The following UNC13B variants were observed in gnomAD, a reference collection of about 807,000 sequenced individuals.
UNC13B encodes protein unc-13 homolog B.
A neutral mutation model predicts 211.0 loss-of-function variants in UNC13B; 144 were observed. The observed-to-expected ratio is 0.68, with a 90% confidence interval of 0.60 to 0.78. The LOEUF is 0.78. Ranked by LOEUF, UNC13B falls within the 30% of genes least tolerant of loss-of-function variation. The probability of loss-of-function intolerance (pLI) is 0.00; values close to 1 mark genes in which losing one functional copy is unlikely to be tolerated. For missense variants in UNC13B, 1,777 were observed against 2,002.0 expected (o/e 0.89, Z 2.14); for synonymous variants, 709 against 725.8 (o/e 0.98, Z 0.37).
At chr9:35,344,665 A>G (rs893513307) in intron 11 of UNC13B, among the ~76,000 whole-genome samples, 2 of 152,174 alleles carry the variant, frequency 1.3e-5, no homozygotes, top group Non-Finnish European at 2.9e-5. Context: ...AATGACAACA[A>G]GGGTCTCATT....
chr9:35,217,227 A>AT (rs1824297214), intron 1 of UNC13B, among the ~76,000 whole-genome samples: 1 of 152,194 alleles, frequency 6.6e-6, no homozygotes, highest in Non-Finnish European at 1.5e-5. Context: ...TGAAGGGTAC[A>AT]TAGGACCTCT....
At chr9:35,299,961 G>C (rs984349129) in intron 8 of UNC13B, among the ~76,000 whole-genome samples, 1 of 151,954 alleles carries the variant, frequency 6.6e-6, no homozygotes, top group Non-Finnish European at 1.5e-5. Flanking sequence ...GAGATAGAGG[G>C]GAAAATATCA....
Position 35,304,127 on chromosome 9 carries a change from A to G in UNC13B, c.4723A>G (p.Ser1575Gly), listed in dbSNP as rs1003210138. Residue 1575 changes from serine to glycine, a missense_variant, in exon 9 of 40, where the codon AGT becomes GGT. Physicochemically the swap from Ser to Gly is moderately conservative, Grantham distance 56 (BLOSUM62 0). Transcript: ENST00000635942. Reference sequence around the variant, plus strand: ...TGATTTACAGACAAATGGTCTATCAAGTATTACGTTGGATGACAGCATTAT... The same window carrying G: ...TGATTTACAGACAAATGGTCTATCAGGTATTACGTTGGATGACAGCATTAT... ...DCDLQTNGLS[S>G]ITLDDSIISA... The G allele has an allele frequency of 1.0e-5, 4 of 398,868 alleles. No homozygotes were observed. Among genetic ancestry groups the G allele is most frequent in the Non-Finnish European group, 1.8e-5 (4 of 225,902 alleles). The allele number at this position is 398,868 out of a possible 1,614,324, so 24.7% of individuals were successfully genotyped here.
At chr9:35,338,493 C>T (rs776292312) in intron 11 of UNC13B, among the ~76,000 whole-genome samples, 3 of 152,104 alleles carry the variant, frequency 2.0e-5, no homozygotes, top group Non-Finnish European at 4.4e-5. Context: ...TCCTGCTGCC[C>T]GTCATTCTCT....
chr9:35,207,423 TG>T (rs1823719279), intron 1 of UNC13B, among the ~76,000 whole-genome samples: 1 of 151,900 alleles, frequency 6.6e-6, no homozygotes, highest in African/African-American at 2.4e-5. Flanking sequence ...CCACCACGCT[TG>T]GCTAATTAAA....
chr9:35,395,863 T>C (rs1251126153), intron 26 of UNC13B, among the ~76,000 whole-genome samples: 2 of 152,216 alleles, frequency 1.3e-5, no homozygotes. Flanking sequence ...CTATTCATAT[T>C]TGCATACTTC....
In UNC13B at chr9:35,367,025, T is replaced by G. The variant is rs750882919; in HGVS notation, c.9461+32T>G. ...AATTCACTGCAAGGTTTCTGTGGAT[T>G]TTATTCAGTATCTCTTGATGCTTTT... On this transcript the variant is annotated intron_variant, in intron 12 of 39. Coordinates refer to ENST00000635942, the MANE Select transcript of UNC13B (RefSeq NM_001371189.2). The G allele has an allele frequency of 1.4e-5, 23 of 1,598,052 alleles. No homozygotes were observed. The South Asian group carries it at 2.5e-4, about 18-fold the overall frequency.
intron 11 of UNC13B, chr9:35,352,218 G>A: frequency 1.6e-6 from 2 of 1,232,180 alleles, no homozygotes; most frequent in Non-Finnish European, 2.0e-6. Flanking sequence ...GAACAAGATG[G>A]AGAAAATACT....
chr9:35,380,575 C>G lies in UNC13B; in HGVS notation c.10311C>G (p.Phe3437Leu). Residue 3437 changes from phenylalanine (F) to leucine (L), a missense_variant, in exon 18 of 40, where the codon TTC becomes TTG. Phe to Leu is a conservative substitution (Grantham distance 22, BLOSUM62 0). Transcript: ENST00000635942. ...KQRLKRESDD[F>L]LGQTIIEVRT... is the part of the protein sequence containing the mutation. Reference sequence around the variant, plus strand: ...GCCTAAAGCGAGAGTCTGATGATTTCCTTGGCCAAACCATCATTGAGGTTC... The same window carrying G: ...GCCTAAAGCGAGAGTCTGATGATTTGCTTGGCCAAACCATCATTGAGGTTC... 1 of 1,614,214 alleles carries G rather than the reference C, an allele frequency of 6.2e-7. No homozygotes were observed. Among genetic ancestry groups the G allele is most frequent in the Non-Finnish European group, 8.5e-7 (1 of 1,180,034 alleles).
Position 35,403,299 on chromosome 9 carries a change from G to A in UNC13B, c.12577+40G>A, listed in dbSNP as rs753846461. On this transcript the variant is annotated intron_variant, in intron 38 of 39. Coordinates refer to ENST00000635942, the MANE Select transcript of UNC13B (RefSeq NM_001371189.2). ...TACAGGTCTGCCCTTTCCTTGCCCA[G>A]TGGCCTCACTCATCACTCAAAAGCA... 230 of 1,609,224 alleles carry A rather than the reference G, an allele frequency of 1.4e-4. 1 individual carries two copies. The highest frequency in any genetic ancestry group is 1.7e-4 in the Non-Finnish European group (205 of 1,176,126).
chr9:35,293,319 T>A (rs1368236517), intron 7 of UNC13B, among the ~76,000 whole-genome samples: 1 of 152,216 alleles, frequency 6.6e-6, no homozygotes, highest in Admixed American at 6.5e-5. Context: ...TTAGGAGTAA[T>A]AGGTCACATG....
At chr9:35,384,777 T>C (rs1835082981) in intron 22 of UNC13B, 1 of 960,308 alleles carries the variant, frequency 1.0e-6, no homozygotes, top group South Asian at 4.8e-5. Context: ...TGTCCATTCC[T>C]AGTATAAAGG....
chr9:35,191,300 A>C (rs1232947635), intron 1 of UNC13B, among the ~76,000 whole-genome samples: 3 of 152,160 alleles, frequency 2.0e-5, no homozygotes, highest in African/African-American at 7.2e-5. Flanking sequence ...TGAAACTCTC[A>C]TTGCAAAATT....
At chr9:35,292,866 T>G (rs1829163080) in intron 7 of UNC13B, among the ~76,000 whole-genome samples, 1 of 152,242 alleles carries the variant, frequency 6.6e-6, no homozygotes, top group African/African-American at 2.4e-5. Context: ...AGTTTCTCTC[T>G]GCAAAGCCAG....
chr9:35,368,324 C>G (rs1833905053), intron 12 of UNC13B, among the ~76,000 whole-genome samples: 1 of 152,180 alleles, frequency 6.6e-6, no homozygotes, highest in African/African-American at 2.4e-5. Context: ...GTTTTCTGTT[C>G]CTGCATTAGT....
intron 24 of UNC13B, among the ~76,000 whole-genome samples, chr9:35,388,390 A>G (rs1303017794): frequency 6.6e-6 from 1 of 152,206 alleles, no homozygotes; most frequent in Non-Finnish European, 1.5e-5. Context: ...CCTGGGCGAC[A>G]GAGTGAGACT....
chr9:35,296,354 T>G (rs1012169964), intron 8 of UNC13B, among the ~76,000 whole-genome samples: 2 of 152,250 alleles, frequency 1.3e-5, no homozygotes, highest in African/African-American at 4.8e-5. Context: ...TATAGCAGAT[T>G]CAGTATTTTT....
chr9:35,370,478 A>T (rs1482809353), intron 13 of UNC13B, 82 bp downstream of exon 13: 1 of 1,356,180 alleles, frequency 7.4e-7, no homozygotes, highest in Non-Finnish European at 1.0e-6. Flanking sequence ...CAGGATTGGA[A>T]GTCGTCCATT....
chr9:35,323,141 G>A (rs994539391), intron 11 of UNC13B, among the ~76,000 whole-genome samples: 2 of 151,506 alleles, frequency 1.3e-5, no homozygotes, highest in African/African-American at 2.4e-5. Context: ...TTATGAGCAT[G>A]TGTGTGCCCC....
Sources: gnomAD v4.1 joint callset for allele counts (sites outside exome capture counted in the v4.1 genomes callset) on GRCh38, gnomAD v4.1.1 for gene constraint, MANE v1.5 for transcripts, NCBI Gene and HGNC (gene_info 2026-07-23, HGNC 2026-07-21) for gene names.